Variants in FAM178B observed in about 807,000 individuals in gnomAD.
FAM178B encodes the protein family with sequence similarity 178 member B, also known as protein FAM178B.
FAM178B carries 82 observed loss-of-function variants against 91.7 expected under a neutral mutation model. The observed-to-expected ratio is 0.89, with a 90% CI of 0.75 to 1.07. FAM178B has a LOEUF of 1.07. FAM178B is among the 50% of genes least tolerant of loss of function. The pLI, the probability that FAM178B is intolerant of heterozygous loss-of-function variation, is 0.00. For missense variants in FAM178B, 769 were observed against 846.7 expected, an observed-to-expected ratio of 0.91 and a Z score of 1.14; for synonymous variants, 368 against 359.4, an observed-to-expected ratio of 1.02 and a Z score of -0.27.
chr2:96,876,337 G>A, intron 16 of FAM178B, 29 bp from the exon 17 acceptor site: 2 of 1,584,720 alleles, frequency 1.3e-6, no homozygotes, highest in Non-Finnish European at 1.7e-6. Flanking sequence ...CAGGCTGTGA[G>A]GGCCTGGGCC....
At chr2:96,879,756 T>A (rs753429917) in intron 14 of FAM178B, among the ~76,000 whole-genome samples, 1 of 152,166 alleles carries the variant, frequency 6.6e-6, no homozygotes, top group Non-Finnish European at 1.5e-5. Context: ...GAGGCGTGCC[T>A]CCAGGAGAGC....
intron 1 of FAM178B, among the ~76,000 whole-genome samples, chr2:96,982,292 T>C (rs1375131519): frequency 1.3e-5 from 2 of 152,072 alleles, no homozygotes; most frequent in Non-Finnish European, 2.9e-5. Context: ...AGAGACAGGG[T>C]CTGGCTGTGT....
intron 8 of FAM178B, 91 bp downstream of exon 8, chr2:96,947,727 C>T (rs1478077167): frequency 9.7e-6 from 7 of 721,780 alleles, no homozygotes; most frequent in East Asian, 2.7e-5. Context: ...ACCAGCATCT[C>T]GCCTGCAGCT....
At position 96,927,198 on chromosome 2, in the gene FAM178B, C is replaced by T. The variant is rs186705382; in HGVS notation, c.1193+2008G>A. On this transcript the variant is annotated intron_variant, in intron 9 of 16. Transcript: ENST00000490605. ...GGTCACCCTCCAATCCATGACACAA[C>T]GCAGCAGCCCAGGAAACCTACCCAG... 6.6e-5 allele frequency among the ~76,000 whole-genome samples: 10 copies of T among 152,296 alleles called. No individual in the cohort carries two copies. In the East Asian group the frequency reaches 9.6e-4, roughly 15 times the overall value.
Position 96,876,453 on chromosome 2 carries a change from C to T in FAM178B, c.2008-145G>A. The T allele has an allele frequency of 2.9e-6, 3 of 1,030,984 alleles. No homozygotes were observed. The East Asian group carries it at 7.8e-5, about 27-fold the overall frequency. The allele number at this position is 1,030,984 out of a possible 1,614,324, so 63.9% of individuals were successfully genotyped here. A position where few individuals can be genotyped will look rare whatever the true frequency, so the allele number is the denominator to read the frequency against. On this transcript the variant is annotated intron_variant, in intron 16 of 16. Transcript: ENST00000490605. The stretch of plus-strand genomic sequence containing the variant: ...AGTGAGCAGGATGCCTGGGTTCACA[C>T]TACTGGCGAGGACACAGCGGTCATC...
chr2:96,929,152 C>T, intron 9 of FAM178B, 54 bp downstream of exon 9: 1 of 1,237,862 alleles, frequency 8.1e-7, no homozygotes, highest in East Asian at 2.5e-5. Context: ...GAGAGAGACC[C>T]TGTCTCTTAA....
intron 12 of FAM178B, among the ~76,000 whole-genome samples, chr2:96,917,307 C>T (rs1022940070): frequency 1.3e-5 from 2 of 152,232 alleles, no homozygotes; most frequent in South Asian, 2.1e-4. Context: ...CACCCTCCTT[C>T]CTAGTAAAGC....
At chr2:96,946,447 T>C (rs566033994) in intron 8 of FAM178B, among the ~76,000 whole-genome samples, 3 of 152,292 alleles carry the variant, frequency 2.0e-5, no homozygotes, top group Non-Finnish European at 2.9e-5. Context: ...CCCATACCAG[T>C]TGAGATCCCG....
At chr2:96,883,314 T>C (rs1243971476) in intron 14 of FAM178B, among the ~76,000 whole-genome samples, 2 of 152,228 alleles carry the variant, frequency 1.3e-5, no homozygotes, top group East Asian at 1.9e-4. Context: ...CTTCATCCTT[T>C]AGAAAATTCC....
At chr2:96,882,146 A>G (rs569633945) in intron 14 of FAM178B, among the ~76,000 whole-genome samples, 2 of 152,328 alleles carry the variant, frequency 1.3e-5, no homozygotes, top group South Asian at 4.1e-4. Flanking sequence ...AAGAGGTAAG[A>G]GAGAGTCTGA....
At chr2:96,876,673 G>A (rs1474664741) in intron 16 of FAM178B, among the ~76,000 whole-genome samples, 2 of 152,140 alleles carry the variant, frequency 1.3e-5, no homozygotes, top group Admixed American at 6.5e-5. Context: ...CACAGCCTGT[G>A]GCCAGTGTGT....
intron 8 of FAM178B, among the ~76,000 whole-genome samples, chr2:96,938,719 G>A (rs761702246): frequency 2.6e-5 from 4 of 152,242 alleles, no homozygotes; most frequent in South Asian, 2.1e-4. Context: ...CATGGTCCCC[G>A]TACTTTGGAG....
intron 13 of FAM178B, among the ~76,000 whole-genome samples, chr2:96,901,384 G>A (rs1488762674): frequency 6.6e-6 from 1 of 151,602 alleles, no homozygotes; most frequent in African/African-American, 2.4e-5. Context: ...ATGTTGGTCG[G>A]GCTGGTCTCG....
At chr2:96,913,211 G>T (rs372088625) in intron 12 of FAM178B, among the ~76,000 whole-genome samples, 1 of 152,218 alleles carries the variant, frequency 6.6e-6, no homozygotes, top group Admixed American at 6.5e-5. Flanking sequence ...TGTCTAGTGG[G>T]GGTGGCTGTT....
intron 13 of FAM178B, chr2:96,898,125 A>G (rs556709902): frequency 1.0e-6 from 1 of 985,248 alleles, no homozygotes; most frequent in South Asian, 4.7e-5. Flanking sequence ...TCAATTCTAA[A>G]CCCCTGTGCC....
intron 13 of FAM178B, among the ~76,000 whole-genome samples, chr2:96,898,804 G>C (rs541357533): frequency 7.2e-5 from 11 of 152,214 alleles, no homozygotes; most frequent in African/African-American, 2.7e-4. Context: ...CTGTGCTGTT[G>C]TACATGGGAG....
chr2:96,930,243 A>AAAAAAAAAACAAAAAAAAAAAAAT (rs1559080293), intron 8 of FAM178B, among the ~76,000 whole-genome samples: 1 of 137,514 alleles, frequency 7.3e-6, no homozygotes, highest in African/African-American at 2.6e-5. Flanking sequence ...AAAAAAAAAA[A>AAAAAAAAAACAAAAAAAAAAAAAT]ATCTGACCAC....
chr2:96,950,944 G>T (rs897543735), intron 7 of FAM178B, among the ~76,000 whole-genome samples: 4 of 152,296 alleles, frequency 2.6e-5, no homozygotes, highest in South Asian at 2.1e-4. Context: ...CTCCCGCTGC[G>T]TATGGGATGA....
chr2:96,929,584 T>G (rs186469492), intron 8 of FAM178B, among the ~76,000 whole-genome samples: 5 of 152,350 alleles, frequency 3.3e-5, no homozygotes, highest in Admixed American at 1.3e-4. Context: ...TCCCTGACCA[T>G]CTGGCCATCC....
Sources: gnomAD v4.1 joint callset for allele counts (sites outside exome capture counted in the v4.1 genomes callset) on GRCh38, gnomAD v4.1.1 for gene constraint, MANE v1.5 for transcripts, NCBI Gene and HGNC (gene_info 2026-07-23, HGNC 2026-07-21) for gene names.